BMPR1B: variants seen among roughly 807,000 people sequenced by gnomAD.
The protein encoded by BMPR1B is bone morphogenetic protein receptor type-1B.
BMPR1B carries 12 observed loss-of-function variants against 59.1 expected under a neutral mutation model. The observed-to-expected ratio is 0.20, with a 90% CI of 0.13 to 0.33. The LOEUF (loss-of-function observed/expected upper bound fraction) is 0.33. BMPR1B is among the 10% of genes least tolerant of loss of function. The pLI, the probability that BMPR1B is intolerant of heterozygous loss-of-function variation, is 1.00. For missense variants in BMPR1B, 550 were observed against 610.9 expected, an observed-to-expected ratio of 0.90 and a Z score of 1.05; for synonymous variants, 237 against 207.3, an observed-to-expected ratio of 1.14 and a Z score of -1.23.
intron 3 of BMPR1B, among the ~76,000 whole-genome samples, chr4:95,041,151 A>G (rs1725624873): frequency 6.6e-6 from 1 of 152,154 alleles, no homozygotes; most frequent in African/African-American, 2.4e-5. Context: ...GGCCCAAGTG[A>G]TCCTCCCACC....
At chr4:94,904,751 T>C (rs963142981) in intron 2 of BMPR1B, among the ~76,000 whole-genome samples, 1 of 151,934 alleles carries the variant, frequency 6.6e-6, no homozygotes, top group Admixed American at 6.6e-5. Flanking sequence ...ATGAAAAAGA[T>C]TGGTTTTGAA....
chr4:95,104,242 T>A (rs1213882561), intron 3 of BMPR1B, 166 bp from the exon 4 acceptor site: 1 of 783,208 alleles, frequency 1.3e-6, no homozygotes, highest in Non-Finnish European at 2.0e-6. Context: ...GTATACTAGG[T>A]AAAAGACATG....
chr4:94,957,357 T>TC (rs1357174666), intron 2 of BMPR1B, among the ~76,000 whole-genome samples: 12 of 130,190 alleles, frequency 9.2e-5, no homozygotes, highest in Admixed American at 5.7e-4. Context: ...TTTTTTTTTT[T>TC]TTTCCTTTTG....
At chr4:94,891,221 C>T (rs1219044265) in intron 2 of BMPR1B, among the ~76,000 whole-genome samples, 2 of 151,986 alleles carry the variant, frequency 1.3e-5, no homozygotes, top group Non-Finnish European at 2.9e-5. Flanking sequence ...ACTATACATT[C>T]CACTTACATC....
At chr4:94,934,453 G>GTTTT (rs371268875) in intron 2 of BMPR1B, among the ~76,000 whole-genome samples, 1,268 of 115,286 alleles carry the variant, frequency 0.011, 57 homozygotes, top group African/African-American at 0.032. Context: ...CCCAGCTATG[G>GTTTT]TTTTTTTTTT....
At chr4:95,034,405 G>T (rs984937831) in intron 3 of BMPR1B, among the ~76,000 whole-genome samples, 2 of 151,872 alleles carry the variant, frequency 1.3e-5, no homozygotes, top group African/African-American at 4.8e-5. Flanking sequence ...ACTGTACCCG[G>T]TGTGTAGTCT....
At chr4:94,789,689 C>G (rs544357958) in intron 1 of BMPR1B, among the ~76,000 whole-genome samples, 2 of 152,126 alleles carry the variant, frequency 1.3e-5, no homozygotes, top group Non-Finnish European at 2.9e-5. Flanking sequence ...CCACATTTAT[C>G]TGAGAGTGTA....
chr4:95,152,263 T>C (rs1387977278), intron 11 of BMPR1B, among the ~76,000 whole-genome samples: 1 of 152,154 alleles, frequency 6.6e-6, no homozygotes, highest in African/African-American at 2.4e-5. Flanking sequence ...ACTATAGTAA[T>C]AGAAACAGTC....
intron 3 of BMPR1B, among the ~76,000 whole-genome samples, chr4:95,043,539 T>C (rs761918196): frequency 2.6e-5 from 4 of 152,222 alleles, no homozygotes; most frequent in Admixed American, 6.5e-5. Context: ...GCCATGCATA[T>C]AATTATTATA....
chr4:94,812,941 T>A (rs1338690865), intron 1 of BMPR1B, among the ~76,000 whole-genome samples: 1 of 152,062 alleles, frequency 6.6e-6, no homozygotes, highest in Non-Finnish European at 1.5e-5. Context: ...CACACAAAAT[T>A]AAGACAATTT....
chr4:95,096,870 TTATA>T, intron 3 of BMPR1B, among the ~76,000 whole-genome samples: 1 of 141,138 alleles, frequency 7.1e-6, no homozygotes, highest in South Asian at 2.1e-4. Context: ...ATAACTATAG[TTATA>T]TATATATTTA....
chr4:94,912,296 A>T (rs1156493603), intron 2 of BMPR1B, among the ~76,000 whole-genome samples: 1 of 152,152 alleles, frequency 6.6e-6, no homozygotes, highest in Non-Finnish European at 1.5e-5. Flanking sequence ...CTGTTTTCTC[A>T]TTTAAGTAAA....
intron 2 of BMPR1B, among the ~76,000 whole-genome samples, chr4:94,886,353 AG>A (rs1727170608): frequency 6.6e-6 from 1 of 152,190 alleles, no homozygotes; most frequent in Non-Finnish European, 1.5e-5. Context: ...CTGAATTATA[AG>A]GGGAAGTTAA....
intron 2 of BMPR1B, among the ~76,000 whole-genome samples, chr4:94,876,165 A>G (rs1726723206): frequency 6.6e-6 from 1 of 152,230 alleles, no homozygotes; most frequent in African/African-American, 2.4e-5. Flanking sequence ...GTTGGCCTAC[A>G]CACTTAGTCT....
At chr4:94,986,338 G>GAAAAC (rs760873723) in intron 2 of BMPR1B, among the ~76,000 whole-genome samples, 7 of 152,058 alleles carry the variant, frequency 4.6e-5, no homozygotes, top group Admixed American at 4.6e-4. Context: ...TTAGAGGATG[G>GAAAAC]AAAACAAAAC....
At chr4:94,758,708 C>T (rs1721633944) in intron 1 of BMPR1B, among the ~76,000 whole-genome samples, 1 of 151,816 alleles carries the variant, frequency 6.6e-6, no homozygotes, top group Non-Finnish European at 1.5e-5. Context: ...GCTTCTCTCT[C>T]TCTATGCCTC....
intron 2 of BMPR1B, among the ~76,000 whole-genome samples, chr4:94,969,965 T>C (rs1730709808): frequency 6.6e-6 from 1 of 152,236 alleles, no homozygotes; most frequent in African/African-American, 2.4e-5. Flanking sequence ...GGTGATACTT[T>C]AAAGAATTTT....
intron 2 of BMPR1B, among the ~76,000 whole-genome samples, chr4:94,903,698 T>C (rs1258399487): frequency 6.6e-6 from 1 of 151,898 alleles, no homozygotes; most frequent in Non-Finnish European, 1.5e-5. Flanking sequence ...AAGGAGGTGA[T>C]TGGGTTTAAA....
intron 2 of BMPR1B, among the ~76,000 whole-genome samples, chr4:94,955,361 A>G (rs1730102376): frequency 6.6e-6 from 1 of 152,184 alleles, no homozygotes; most frequent in Non-Finnish European, 1.5e-5. Context: ...ATGAAAATTA[A>G]TTAAAATCTA....
Sources: gnomAD v4.1 joint callset for allele counts (sites outside exome capture counted in the v4.1 genomes callset) on GRCh38, gnomAD v4.1.1 for gene constraint, MANE v1.5 for transcripts, NCBI Gene and HGNC (gene_info 2026-07-23, HGNC 2026-07-21) for gene names.